Variants in RHOJ observed in about 807,000 individuals in gnomAD.
RHOJ encodes ras homolog family member J.
In RHOJ, 11 loss-of-function variants were observed where a neutral mutation model predicts 23.4. The ratio of observed to expected loss-of-function variants is 0.47; its 90% confidence interval spans 0.30 to 0.78. RHOJ has a LOEUF of 0.78. RHOJ is among the 30% of genes least tolerant of loss of function. The pLI is 0.08. For missense variants in RHOJ, 254 were observed against 273.4 expected (o/e 0.93, Z 0.50); for synonymous variants, 102 against 102.7 (o/e 0.99, Z 0.04).
At chr14:63,266,864 C>G (rs530202460) in intron 1 of RHOJ, among the ~76,000 whole-genome samples, 1 of 152,198 alleles carries the variant, frequency 6.6e-6, no homozygotes, top group Admixed American at 6.5e-5. Flanking sequence ...GATAGTTTGA[C>G]TTCCTCTTTT....
At chr14:63,242,118 G>A (rs376945118) in intron 1 of RHOJ, among the ~76,000 whole-genome samples, 20 of 152,200 alleles carry the variant, frequency 1.3e-4, no homozygotes, top group South Asian at 4.2e-4. Flanking sequence ...AAAATGAAGC[G>A]TATATACTTT....
At chr14:63,282,142 GATA>G (rs1205802095) in intron 3 of RHOJ, among the ~76,000 whole-genome samples, 1 of 152,154 alleles carries the variant, frequency 6.6e-6, no homozygotes, top group Non-Finnish European at 1.5e-5. Context: ...TTGAATTCCA[GATA>G]ATAATATTTG....
intron 1 of RHOJ, among the ~76,000 whole-genome samples, chr14:63,245,117 T>C (rs1325811967): frequency 6.6e-6 from 1 of 152,206 alleles, no homozygotes; most frequent in Non-Finnish European, 1.5e-5. Context: ...TCCTCAATCA[T>C]ATATTTGGAA....
At chr14:63,217,690 G>A (rs1332688714) in intron 1 of RHOJ, among the ~76,000 whole-genome samples, 1 of 152,170 alleles carries the variant, frequency 6.6e-6, no homozygotes. Flanking sequence ...ATTGACAAAT[G>A]GGATCTAATT....
chr14:63,227,975 T>C (rs1417487921), intron 1 of RHOJ, among the ~76,000 whole-genome samples: 1 of 152,200 alleles, frequency 6.6e-6, no homozygotes, highest in African/African-American at 2.4e-5. Context: ...TTGCTGCTTT[T>C]ATGCCCCGTT....
At chr14:63,211,692 A>G (rs1306093199) in intron 1 of RHOJ, among the ~76,000 whole-genome samples, 1 of 152,220 alleles carries the variant, frequency 6.6e-6, no homozygotes, top group East Asian at 1.9e-4. Context: ...CTGTTGTGCT[A>G]CTGAATACTA....
intron 1 of RHOJ, among the ~76,000 whole-genome samples, chr14:63,252,371 C>T (rs1895087524): frequency 6.6e-6 from 1 of 152,090 alleles, no homozygotes. Flanking sequence ...GTGGATAAGC[C>T]AAGGTATATA....
chr14:63,290,473 G>T (rs1882211208), intron 4 of RHOJ, among the ~76,000 whole-genome samples: 1 of 151,944 alleles, frequency 6.6e-6, no homozygotes, highest in Admixed American at 6.6e-5. Flanking sequence ...CAAATGAGAG[G>T]ATATGAAAAA....
chr14:63,233,870 T>C (rs138525493), intron 1 of RHOJ, among the ~76,000 whole-genome samples: 2,037 of 152,244 alleles, frequency 0.013, 20 homozygotes, highest in Middle Eastern at 0.054. Context: ...ACCAATATCA[T>C]CCAGCAGCTC....
At chr14:63,257,351 T>C (rs1895188419) in intron 1 of RHOJ, among the ~76,000 whole-genome samples, 1 of 149,608 alleles carries the variant, frequency 6.7e-6, no homozygotes, top group Admixed American at 6.7e-5. Context: ...GAGTTGCCCT[T>C]CCAGGCAGAG....
chr14:63,243,447 C>T (rs1337308772), intron 1 of RHOJ, among the ~76,000 whole-genome samples: 1 of 152,202 alleles, frequency 6.6e-6, no homozygotes, highest in Admixed American at 6.5e-5. Context: ...TCAAGCGATT[C>T]TCCTGCCTCA....
intron 1 of RHOJ, among the ~76,000 whole-genome samples, chr14:63,259,880 G>GA (rs1395106014): frequency 2.6e-5 from 4 of 152,092 alleles, no homozygotes; most frequent in Non-Finnish European, 2.9e-5. Flanking sequence ...TAAATAAAGG[G>GA]AAAAACCACA....
At chr14:63,252,483 G>A (rs1303757364) in intron 1 of RHOJ, among the ~76,000 whole-genome samples, 7 of 152,166 alleles carry the variant, frequency 4.6e-5, no homozygotes, top group Non-Finnish European at 1.0e-4. Context: ...TCAGCCCAAA[G>A]ACATGATATA....
At chr14:63,217,904 A>G (rs564585382) in intron 1 of RHOJ, among the ~76,000 whole-genome samples, 1 of 152,316 alleles carries the variant, frequency 6.6e-6, no homozygotes, top group South Asian at 2.1e-4. Context: ...TATCTTGTCG[A>G]CACGATTACT....
chr14:63,269,205 G>T, intron 2 of RHOJ, 37 bp downstream of exon 2: 2 of 1,476,046 alleles, frequency 1.4e-6, no homozygotes, highest in Non-Finnish European at 9.5e-7. Flanking sequence ...GGAGGGCGGT[G>T]GTGTAGGGGA....
chr14:63,214,086 G>C (rs1054455207), intron 1 of RHOJ, among the ~76,000 whole-genome samples: 4 of 152,114 alleles, frequency 2.6e-5, no homozygotes, highest in Non-Finnish European at 5.9e-5. Context: ...AACTGCCTTA[G>C]CACCATGTTT....
At chr14:63,228,367 C>T (rs1251989539) in intron 1 of RHOJ, among the ~76,000 whole-genome samples, 1 of 152,134 alleles carries the variant, frequency 6.6e-6, no homozygotes, top group Non-Finnish European at 1.5e-5. Context: ...CAGCTGTTCT[C>T]ATACATGTGC....
chr14:63,281,227 A>G, intron 3 of RHOJ, 92 bp downstream of exon 3: 1 of 1,255,484 alleles, frequency 8.0e-7, no homozygotes, highest in Non-Finnish European at 1.1e-6. Context: ...GCCAAACGCT[A>G]TGGAAGTGTG....
At chr14:63,256,244 A>G (rs1023169224) in intron 1 of RHOJ, among the ~76,000 whole-genome samples, 1 of 152,042 alleles carries the variant, frequency 6.6e-6, no homozygotes, top group African/African-American at 2.4e-5. Flanking sequence ...TCCCTGTGTC[A>G]CTTACTCCCT....
Sources: allele counts gnomAD v4.1 joint callset (sites outside exome capture counted in the v4.1 genomes callset), GRCh38; gene constraint gnomAD v4.1.1; transcripts MANE v1.5; gene names NCBI Gene and HGNC (gene_info 2026-07-23, HGNC 2026-07-21).